The following UGT1A7 variants were observed in gnomAD, a reference collection of about 807,000 sequenced individuals.
UGT1A7 encodes UDP-glucuronosyltransferase 1A7.
In UGT1A7, 33 loss-of-function variants were observed where a neutral mutation model predicts 45.6. The ratio of observed to expected loss-of-function variants is 0.72; its 90% CI spans 0.55 to 0.97. UGT1A7 has a LOEUF of 0.97. UGT1A7 is among the 50% of genes least tolerant of loss of function. The probability of loss-of-function intolerance (pLI) is 0.00; values close to 1 mark genes in which losing one functional copy is unlikely to be tolerated. For synonymous variants in UGT1A7, 274 were observed against 250.6 expected (o/e 1.09, Z -0.88); for missense variants, 684 against 666.2 (o/e 1.03, Z -0.29).
chr2:233,738,466 G>C (rs1690794725), intron 1 of UGT1A7, among the ~76,000 whole-genome samples: 1 of 152,190 alleles, frequency 6.6e-6, no homozygotes, highest in Non-Finnish European at 1.5e-5. Context: ...GGGAAAGTTT[G>C]GAACTTCCTG....
At chr2:233,713,410 AC>A in intron 1 of UGT1A7, 1 of 1,614,174 alleles carries the variant, frequency 6.2e-7, no homozygotes, top group Non-Finnish European at 8.5e-7. Context: ...CTGATCAGGC[AC>A]CTGCATGCTA....
chr2:233,721,442 T>G (rs543362846), intron 1 of UGT1A7: 10 of 162,688 alleles, frequency 6.1e-5, no homozygotes, highest in Admixed American at 1.3e-4. Context: ...TTAATGTTGT[T>G]ATAGTGAGCA....
chr2:233,693,272 C>T lies in UGT1A7; in HGVS notation c.855+10480C>T, dbSNP rs770139285. ...GTATGACCAAGAAGAGCTGAAGAAC[C>T]GTTACCAATCATTTGGAAACAATCA... On this transcript the variant is annotated intron_variant, in intron 1 of 4. Transcript: ENST00000373426. The T allele has an allele frequency of 1.1e-4, 170 of 1,614,052 alleles. No individual in the cohort carries two copies. The South Asian group carries it at 1.7e-3, about 16-fold the overall frequency.
intron 1 of UGT1A7, chr2:233,693,473 G>A (rs887656290): frequency 6.2e-7 from 1 of 1,614,174 alleles, no homozygotes; most frequent in Non-Finnish European, 8.5e-7. Context: ...ACCCTGTGGG[G>A]TGATCCTGGC....
chr2:233,743,851 C>A lies in UGT1A7; in HGVS notation c.856-23183C>A, dbSNP rs375874968. The A allele has an allele frequency of 4.4e-6, 6 of 1,367,244 alleles. No individual in the cohort carries two copies. The Admixed American group carries it at 1.1e-4, about 26-fold the overall frequency. The allele number at this position is 1,367,244 out of a possible 1,614,324, so 84.7% of individuals were successfully genotyped here. A position where few individuals can be genotyped will look rare whatever the true frequency, so the allele number is the denominator to read the frequency against. ...GCCACTTGAGCGCCAGCTTGCGGTA[C>A]GCCTTCTTGATGGCCTCGGATGAGG... is the stretch of plus-strand genomic sequence containing the variant. On this transcript the variant is annotated intron_variant, in intron 1 of 4. Transcript: ENST00000373426.
intron 1 of UGT1A7, among the ~76,000 whole-genome samples, chr2:233,746,725 G>A (rs1489490060): frequency 6.6e-6 from 1 of 151,774 alleles, no homozygotes; most frequent in Non-Finnish European, 1.5e-5. Flanking sequence ...AATTAGCAAT[G>A]GATTCTGCTT....
chr2:233,719,525 C>T (rs2076777345), intron 1 of UGT1A7: 21 of 1,613,982 alleles, frequency 1.3e-5, no homozygotes, highest in Non-Finnish European at 1.8e-5. Context: ...CAAGTCTTGC[C>T]TCTGAGCTTT....
chr2:233,752,556 A>C (rs1374384067), intron 1 of UGT1A7: 1 of 152,204 alleles, frequency 6.6e-6, no homozygotes, highest in Non-Finnish European at 1.5e-5. Context: ...TTGCTGGGAC[A>C]ACATAGTGGG....
chr2:233,738,711 A>G (rs1264212613), intron 1 of UGT1A7, among the ~76,000 whole-genome samples: 1 of 152,268 alleles, frequency 6.6e-6, no homozygotes, highest in Non-Finnish European at 1.5e-5. Context: ...GAAGCAGAGC[A>G]TAAAAGTTTG....
chr2:233,735,108 G>T (rs1171222877), intron 1 of UGT1A7, among the ~76,000 whole-genome samples: 1 of 152,182 alleles, frequency 6.6e-6, no homozygotes, highest in Non-Finnish European at 1.5e-5. Flanking sequence ...AATATCGACA[G>T]TGGGATGTTA....
At chr2:233,733,652 A>C (rs2078424412) in intron 1 of UGT1A7, among the ~76,000 whole-genome samples, 1 of 152,240 alleles carries the variant, frequency 6.6e-6, no homozygotes, top group Non-Finnish European at 1.5e-5. Flanking sequence ...CCCAAGGATG[A>C]AGCCGACTTG....
chr2:233,706,633 ACT>A (rs2075917088), intron 1 of UGT1A7, among the ~76,000 whole-genome samples: 1 of 152,298 alleles, frequency 6.6e-6, no homozygotes, highest in East Asian at 1.9e-4. Context: ...GAGTGTTTCT[ACT>A]GTGTCTGTGC....
intron 1 of UGT1A7, among the ~76,000 whole-genome samples, chr2:233,762,648 C>T (rs564771250): frequency 6.6e-6 from 1 of 151,468 alleles, no homozygotes; most frequent in African/African-American, 2.4e-5. Context: ...AAAAGATAAG[C>T]TATTTTGTAG....
chr2:233,698,831 G>A (rs1290977485), intron 1 of UGT1A7, among the ~76,000 whole-genome samples: 1 of 152,228 alleles, frequency 6.6e-6, no homozygotes, highest in Admixed American at 6.5e-5. Flanking sequence ...AGTAAGGCAG[G>A]ATCACTTCCC....
intron 1 of UGT1A7, among the ~76,000 whole-genome samples, chr2:233,702,018 GAC>G (rs2075665639): frequency 6.6e-6 from 1 of 151,686 alleles, no homozygotes. Context: ...AGGAAATAGA[GAC>G]ACAAAAAAAA....
intron 1 of UGT1A7, chr2:233,721,798 T>C (rs1311334621): frequency 1.9e-6 from 1 of 514,350 alleles, no homozygotes; most frequent in East Asian, 5.5e-5. Flanking sequence ...TTAAAGCACA[T>C]GCAGCAAAAA....
intron 1 of UGT1A7, 122 bp from the exon 2 acceptor site, chr2:233,766,912 T>C: frequency 6.5e-7 from 1 of 1,532,250 alleles, no homozygotes; most frequent in African/African-American, 1.4e-5. Context: ...TTTTACTCTA[T>C]CTCAAACACG....
intron 1 of UGT1A7, among the ~76,000 whole-genome samples, chr2:233,727,544 G>A (rs191237726): frequency 2.0e-5 from 3 of 152,260 alleles, no homozygotes; most frequent in South Asian, 2.1e-4. Flanking sequence ...TGTTCCACCC[G>A]TCACCTGGGC....
At chr2:233,713,712 A>G (rs1296913167) in intron 1 of UGT1A7, 2 of 1,613,852 alleles carry the variant, frequency 1.2e-6, no homozygotes, top group East Asian at 2.2e-5. Flanking sequence ...GCTTTTTCAG[A>G]GAGAGGTGTC....
Sources: gnomAD v4.1 joint callset for allele counts (sites outside exome capture counted in the v4.1 genomes callset) on GRCh38, gnomAD v4.1.1 for gene constraint, MANE v1.5 for transcripts, NCBI Gene and HGNC (gene_info 2026-07-23, HGNC 2026-07-21) for gene names.